Variants in NEK11 observed in about 807,000 individuals in gnomAD.
NEK11 encodes the protein serine/threonine-protein kinase Nek11.
NEK11 carries 72 observed loss-of-function variants against 80.7 expected under a neutral mutation model. The observed-to-expected ratio is 0.89, with a 90% CI of 0.74 to 1.08. The LOEUF (loss-of-function observed/expected upper bound fraction) is 1.08. Ranked by LOEUF, NEK11 falls within the 50% of genes least tolerant of loss-of-function variation. The pLI is 0.00. For missense variants in NEK11, 764 were observed against 763.6 expected (o/e 1.00, Z -0.01); for synonymous variants, 251 against 260.7 (o/e 0.96, Z 0.36).
chr3:131,327,137 G>A, intron 17 of NEK11: 1 of 152,378 alleles, frequency 6.6e-6, no homozygotes, highest in Non-Finnish European at 1.5e-5. Flanking sequence ...CTCTTCCATA[G>A]TATTTAAGCA....
In NEK11 at chr3:131,349,709, T is replaced by G. The variant is rs149040543; in HGVS notation, c.1871T>G (p.Leu624Arg). 6.2e-7 allele frequency: 1 copy of G among 1,614,054 alleles called. No individual in the cohort carries two copies. Among genetic ancestry groups the G allele is most frequent in the African/African-American group, 1.3e-5 (1 of 74,934 alleles). ...QASDCFEVDQ[L>R]LYFEEQLLIT... ...AGCGACTGTTTTGAAGTGGACCAGC[T>G]CCTGTACTTTGAAGAGCAGTTGCTG... Residue 624 changes from leucine to arginine, a missense_variant, in exon 18 of 18, where the codon CTC (leucine) becomes CGC (arginine). Coordinates refer to ENST00000383366, the MANE Select transcript of NEK11 (RefSeq NM_024800.5).
At chr3:131,203,420 G>C (rs1424671014) in intron 14 of NEK11, among the ~76,000 whole-genome samples, 2 of 141,524 alleles carry the variant, frequency 1.4e-5, no homozygotes, top group Non-Finnish European at 3.1e-5. Context: ...CACACACTGG[G>C]GCCTGTTGTG....
At chr3:131,125,132 A>G (rs2083091028) in intron 5 of NEK11, among the ~76,000 whole-genome samples, 1 of 152,238 alleles carries the variant, frequency 6.6e-6, no homozygotes, top group South Asian at 2.1e-4. Flanking sequence ...TATTTGAATT[A>G]GGGGAAATTC....
intron 3 of NEK11, among the ~76,000 whole-genome samples, chr3:131,044,381 A>C (rs1226356374): frequency 2.0e-5 from 3 of 150,236 alleles, no homozygotes; most frequent in Non-Finnish European, 4.4e-5. Flanking sequence ...ACATAGGCTC[A>C]AAACAAAGGA....
At chr3:131,159,480 T>C (rs2091233093) in intron 10 of NEK11, among the ~76,000 whole-genome samples, 1 of 152,160 alleles carries the variant, frequency 6.6e-6, no homozygotes, top group South Asian at 2.1e-4. Context: ...CTGTAAGAAT[T>C]TCAGGCCGGG....
chr3:131,291,303 A>T (rs1311944960), intron 17 of NEK11, among the ~76,000 whole-genome samples: 1 of 152,076 alleles, frequency 6.6e-6, no homozygotes, highest in East Asian at 1.9e-4. Flanking sequence ...CATTGTCTGG[A>T]TATACCACAG....
chr3:131,078,138 T>C (rs1239548914), intron 3 of NEK11, among the ~76,000 whole-genome samples: 1 of 152,204 alleles, frequency 6.6e-6, no homozygotes, highest in Non-Finnish European at 1.5e-5. Context: ...AGCTTATGCC[T>C]GCTGTTGGTT....
chr3:131,162,598 A>C, intron 11 of NEK11, 71 bp downstream of exon 11: 1 of 1,579,992 alleles, frequency 6.3e-7, no homozygotes, highest in Non-Finnish European at 8.6e-7. Context: ...TTTACAGAGA[A>C]AAGCAAAAAC....
At chr3:131,331,127 T>G (rs554182844) in intron 17 of NEK11, among the ~76,000 whole-genome samples, 1 of 152,354 alleles carries the variant, frequency 6.6e-6, no homozygotes, top group East Asian at 1.9e-4. Context: ...ATGCACTATG[T>G]GACATCCTGC....
chr3:131,282,529 G>A (rs2096412918), intron 17 of NEK11, among the ~76,000 whole-genome samples: 1 of 152,150 alleles, frequency 6.6e-6, no homozygotes, highest in African/African-American at 2.4e-5. Context: ...TCCTCCCCAG[G>A]TCAGAGCACA....
intron 14 of NEK11, among the ~76,000 whole-genome samples, chr3:131,212,411 G>A (rs1426815663): frequency 6.6e-6 from 1 of 152,196 alleles, no homozygotes; most frequent in African/African-American, 2.4e-5. Context: ...CCCCTGCTGG[G>A]ATGTGTCTCC....
intron 14 of NEK11, among the ~76,000 whole-genome samples, chr3:131,209,745 C>A (rs536073332): frequency 6.6e-6 from 1 of 152,246 alleles, no homozygotes; most frequent in East Asian, 1.9e-4. Flanking sequence ...TTATCTATTT[C>A]TTTTATATTC....
At chr3:131,269,622 C>T (rs543912517) in intron 16 of NEK11, among the ~76,000 whole-genome samples, 35 of 152,284 alleles carry the variant, frequency 2.3e-4, no homozygotes, top group Middle Eastern at 3.4e-3. Flanking sequence ...AGAAATCACC[C>T]GCCTTCTGTG....
Position 131,080,590 on chromosome 3 carries a change from T to C in NEK11, c.336+2T>C. 5.6e-6 allele frequency: 9 copies of C among 1,604,040 alleles called. No individual in the cohort carries two copies. The highest frequency in any genetic ancestry group is 7.6e-6 in the Non-Finnish European group (9 of 1,177,188). ...TGCATTATCACGGAGTACTGTGAGGTGAGACTCTCCTTTTCTCTTGGAAGT... is the reference window on the plus strand; with the variant it reads ...TGCATTATCACGGAGTACTGTGAGGCGAGACTCTCCTTTTCTCTTGGAAGT... On this transcript the variant is annotated splice_donor_variant, in intron 4 of 17. Transcript: ENST00000383366. LOFTEE classifies it high-confidence loss of function.
chr3:131,188,301 T>G (rs2093669071), intron 14 of NEK11, among the ~76,000 whole-genome samples: 1 of 152,212 alleles, frequency 6.6e-6, no homozygotes, highest in Non-Finnish European at 1.5e-5. Flanking sequence ...CTTTTTCCTC[T>G]AAAAGATTTA....
At chr3:131,282,546 G>A (rs1295369532) in intron 17 of NEK11, among the ~76,000 whole-genome samples, 1 of 152,144 alleles carries the variant, frequency 6.6e-6, no homozygotes, top group Admixed American at 6.5e-5. Context: ...CACAGCCCTG[G>A]TATAGTGCTG....
At chr3:131,251,202 A>C (rs868210763) in intron 16 of NEK11, among the ~76,000 whole-genome samples, 3,216 of 145,328 alleles carry the variant, frequency 0.022, 99 homozygotes, top group African/African-American at 0.077. Flanking sequence ...GGTAAATACA[A>C]AAAAAAAAAA....
chr3:131,335,801 A>C lies in NEK11; in HGVS notation c.1719-13756A>C, dbSNP rs1314173786. On this transcript the variant is annotated intron_variant, in intron 17 of 17. Coordinates refer to ENST00000383366, the MANE Select transcript of NEK11 (RefSeq NM_024800.5). ...GATAGAAAATCAATGTGCAAAAATC[A>C]CAAGCATTCTTATACATCAATAACA... 8.5e-5 allele frequency among the ~76,000 whole-genome samples: 13 copies of C among 152,360 alleles called. 1 individual carries two copies. In the Middle Eastern group the frequency reaches 0.02, roughly 239 times the overall value.
intron 3 of NEK11, among the ~76,000 whole-genome samples, chr3:131,056,230 A>G (rs35690371): frequency 0.18 from 27,947 of 152,060 alleles, 2,635 homozygotes; most frequent in Non-Finnish European, 0.21. Flanking sequence ...TTCACACTGG[A>G]ATGAATGGGC....
Sources: gnomAD v4.1 joint callset for allele counts (sites outside exome capture counted in the v4.1 genomes callset) on GRCh38, gnomAD v4.1.1 for gene constraint, MANE v1.5 for transcripts, NCBI Gene and HGNC (gene_info 2026-07-23, HGNC 2026-07-21) for gene names.